VTA1: variants seen among roughly 807,000 people sequenced by gnomAD.
The protein encoded by VTA1 is vacuolar protein sorting-associated protein VTA1 homolog.
VTA1 carries 24 observed loss-of-function variants against 36.9 expected under a neutral mutation model. That is an observed-to-expected ratio of 0.65 (90% CI 0.47 to 0.91). The LOEUF is 0.91. Among genes scored for constraint, VTA1 ranks in the 40% least tolerant of loss-of-function variants. VTA1 has a pLI of 0.00. For missense variants in VTA1, 393 were observed against 377.2 expected (o/e 1.04, Z -0.35); for synonymous variants, 142 against 130.2 (o/e 1.09, Z -0.62).
chr6:142,162,618 G>C (rs138418219), intron 1 of VTA1, among the ~76,000 whole-genome samples: 1 of 152,262 alleles, frequency 6.6e-6, no homozygotes, highest in African/African-American at 2.4e-5. Context: ...TATTTGTAAT[G>C]ATGACAATCT....
intron 1 of VTA1, among the ~76,000 whole-genome samples, chr6:142,157,818 T>A (rs1015205047): frequency 1.3e-5 from 2 of 151,530 alleles, no homozygotes; most frequent in Non-Finnish European, 2.9e-5. Context: ...TTATGTTTTT[T>A]TATATTTATT....
intron 1 of VTA1, among the ~76,000 whole-genome samples, chr6:142,154,052 C>A (rs761383674): frequency 1.3e-4 from 19 of 151,920 alleles, no homozygotes; most frequent in Non-Finnish European, 2.1e-4. Flanking sequence ...TAGTTCTAAA[C>A]AGCTTTGTCA....
At chr6:142,189,562 G>C (rs759091364) in intron 5 of VTA1, 28 bp downstream of exon 5, 1 of 1,555,938 alleles carries the variant, frequency 6.4e-7, no homozygotes, top group Non-Finnish European at 8.8e-7. Context: ...CTGAGTAAAA[G>C]GACTTAGTAG....
chr6:142,186,929 T>C (rs939768994), intron 4 of VTA1, among the ~76,000 whole-genome samples: 1 of 151,950 alleles, frequency 6.6e-6, no homozygotes, highest in Non-Finnish European at 1.5e-5. Flanking sequence ...GCAACTGATA[T>C]GATGTATGAA....
chr6:142,178,089 G>T (rs1775158737), intron 4 of VTA1, among the ~76,000 whole-genome samples: 1 of 152,074 alleles, frequency 6.6e-6, no homozygotes. Flanking sequence ...GAAGCACAGT[G>T]GACAATTAGG....
At chr6:142,179,006 A>G (rs993587286) in intron 4 of VTA1, among the ~76,000 whole-genome samples, 4 of 152,128 alleles carry the variant, frequency 2.6e-5, no homozygotes, top group African/African-American at 9.6e-5. Context: ...GGGCCATTTT[A>G]TAATAATGGG....
intron 2 of VTA1, among the ~76,000 whole-genome samples, 200 bp downstream of exon 2, chr6:142,166,522 A>G (rs1774918056): frequency 1.3e-5 from 2 of 152,054 alleles, no homozygotes; most frequent in Admixed American, 1.3e-4. Context: ...TAATTAAAGT[A>G]TGTTCAAGTA....
intron 4 of VTA1, among the ~76,000 whole-genome samples, chr6:142,187,720 G>C (rs1582892360): frequency 6.6e-6 from 1 of 152,082 alleles, no homozygotes; most frequent in East Asian, 1.9e-4. Flanking sequence ...TGTAAGAGGA[G>C]TGTTTGATAA....
At chr6:142,166,093 A>T in intron 1 of VTA1, 135 bp from the exon 2 acceptor site, 1 of 571,432 alleles carries the variant, frequency 1.7e-6, no homozygotes, top group Non-Finnish European at 2.8e-6. Flanking sequence ...TAGGTTTATA[A>T]CTTCCATAGT....
intron 7 of VTA1, among the ~76,000 whole-genome samples, 156 bp from the exon 8 acceptor site, chr6:142,218,342 G>T (rs1420954084): frequency 2.0e-5 from 3 of 152,164 alleles, no homozygotes; most frequent in Admixed American, 2.0e-4. Context: ...TGAAAAGAAT[G>T]AAGAAAATGT....
intron 4 of VTA1, among the ~76,000 whole-genome samples, chr6:142,188,024 C>T (rs1201560290): frequency 6.7e-6 from 1 of 150,188 alleles, no homozygotes; most frequent in Non-Finnish European, 1.5e-5. Flanking sequence ...TCTCATGCCT[C>T]AGCCTTTTGA....
chr6:142,180,959 C>T (rs1775214947), intron 4 of VTA1, among the ~76,000 whole-genome samples: 1 of 150,428 alleles, frequency 6.6e-6, no homozygotes, highest in Non-Finnish European at 1.5e-5. Context: ...TTTATTGGGA[C>T]TGTGGATCAG....
rs777687796 is a variant in VTA1, at chr6:142,198,470, C to T, written c.552C>T (p.Ala184=). 1.2e-6 allele frequency: 2 copies of T among 1,613,910 alleles called. No homozygotes were observed. Among genetic ancestry groups the T allele is most frequent in the South Asian group, 1.1e-5 (1 of 91,060 alleles). Residue 184 remains alanine, a synonymous_variant, in exon 6 of 8, where the codon GCC becomes GCT. Transcript: ENST00000367630. ...DIEENEDAGA[A]SLPTQPTQPS... ...AAGAAAATGAAGATGCTGGAGCAGC[C>T]TCTCTGCCCACTCAGCCAACTCAGC...
chr6:142,196,441 G>C (rs1194023195), intron 5 of VTA1, among the ~76,000 whole-genome samples: 1 of 152,080 alleles, frequency 6.6e-6, no homozygotes. Flanking sequence ...AAGCATATAG[G>C]CACTTTTTTA....
At chr6:142,209,997 A>G (rs1451694549) in intron 7 of VTA1, among the ~76,000 whole-genome samples, 1 of 152,156 alleles carries the variant, frequency 6.6e-6, no homozygotes, top group East Asian at 1.9e-4. Flanking sequence ...AAGGCATCAC[A>G]CTATGTGACT....
At chr6:142,168,860 A>G (rs913410810) in intron 2 of VTA1, among the ~76,000 whole-genome samples, 4 of 151,286 alleles carry the variant, frequency 2.6e-5, no homozygotes, top group African/African-American at 9.7e-5. Flanking sequence ...TCCTCCTCCC[A>G]GGTTCATGCC....
chr6:142,170,356 A>G lies in VTA1; in HGVS notation c.346A>G (p.Lys116Glu), dbSNP rs749940010. The change falls in exon 4 of 8, where the codon AAG becomes GAG. Residue 116 changes from lysine to glutamate, a missense_variant. Transcript: ENST00000367630. Reference sequence around the variant, plus strand: ...TCTTTTCTCTTCCAGAAACATGATCAAGTCCTTCTATACTGCAAGTCTTTT... The same window carrying G: ...TCTTTTCTCTTCCAGAAACATGATCGAGTCCTTCTATACTGCAAGTCTTTT... ...RAGRFHKNMI[K>E]SFYTASLLID... The G allele has an allele frequency of 6.2e-7, 1 of 1,606,728 alleles. No homozygotes were observed. The highest frequency in any genetic ancestry group is 8.5e-7 in the Non-Finnish European group (1 of 1,176,200).
rs887515183 is a variant in VTA1, at chr6:142,218,602, C to A, written c.883C>A (p.Leu295Ile). 3.1e-6 allele frequency: 5 copies of A among 1,612,168 alleles called. No individual in the cohort carries two copies. In the African/African-American group the frequency reaches 4.0e-5, roughly 13 times the overall value. ...YEDVSTAVQN[L>I]QKALKLLTTG... ...AGATGTAAGCACTGCTGTCCAGAAT[C>A]TACAAAAGGCTCTCAAGTTACTGAC... Residue 295 changes from leucine (L) to isoleucine (I), a missense_variant, in exon 8 of 8, where the codon CTA (leucine) becomes ATA (isoleucine). By Grantham distance (5) the Leu-to-Ile change is conservative. Coordinates refer to ENST00000367630, the MANE Select transcript of VTA1 (RefSeq NM_016485.5).
chr6:142,216,675 A>G (rs1776009823), intron 7 of VTA1, among the ~76,000 whole-genome samples: 1 of 152,222 alleles, frequency 6.6e-6, no homozygotes, highest in South Asian at 2.1e-4. Flanking sequence ...TTTTAAAATA[A>G]TTTAATCCTT....
Sources: gnomAD v4.1 joint callset for allele counts (sites outside exome capture counted in the v4.1 genomes callset) on GRCh38, gnomAD v4.1.1 for gene constraint, MANE v1.5 for transcripts, NCBI Gene and HGNC (gene_info 2026-07-23, HGNC 2026-07-21) for gene names.